RNF13: variants seen among roughly 807,000 people sequenced by gnomAD.
RNF13 encodes ring finger protein 13, also known as E3 ubiquitin-protein ligase RNF13.
RNF13 carries 19 observed loss-of-function variants against 37.7 expected under a neutral mutation model. That is an observed-to-expected ratio of 0.50 (90% CI 0.35 to 0.74). RNF13 has a LOEUF of 0.74. Among genes scored for constraint, RNF13 ranks in the 30% least tolerant of loss-of-function variants. RNF13 has a pLI of 0.01. For synonymous variants in RNF13, 144 were observed against 157.8 expected (o/e 0.91, Z 0.65); for missense variants, 375 against 453.0 (o/e 0.83, Z 1.56).
Position 149,835,667 on chromosome 3 carries a change from TTGTG to T in RNF13, c.-16-10330_-16-10327del, listed in dbSNP as rs1553751536. On this transcript the variant is annotated intron_variant, in intron 1 of 9. Coordinates refer to ENST00000392894, the MANE Select transcript of RNF13 (RefSeq NM_183381.3). ...TGTGTGTGTGTGTGTGTGTGTGTGT[TTGTG>T]TGTGTGTGTGTGTATGTGTGTACCA... Among the ~76,000 whole-genome samples, 5 of 88,058 alleles carry T rather than the reference TTGTG, an allele frequency of 5.7e-5. No homozygotes were observed. The South Asian group carries it at 1.1e-3, about 20-fold the overall frequency. 57.8% of individuals were successfully genotyped at this position (88,058 alleles called of 152,430 possible). A position where few individuals can be genotyped will look rare whatever the true frequency, so the allele number is the denominator to read the frequency against.
chr3:149,957,658 C>T (rs780795447), intron 8 of RNF13, among the ~76,000 whole-genome samples: 1 of 152,122 alleles, frequency 6.6e-6, no homozygotes, highest in Non-Finnish European at 1.5e-5. Flanking sequence ...GTATGCCTAT[C>T]GGCTAGTTTT....
chr3:149,827,976 G>C (rs1720673471), intron 1 of RNF13, among the ~76,000 whole-genome samples: 1 of 150,606 alleles, frequency 6.6e-6, no homozygotes, highest in Non-Finnish European at 1.5e-5. Flanking sequence ...AGAAACAGTT[G>C]TTATAATCAA....
chr3:149,866,683 C>T (rs1402337260), intron 3 of RNF13, among the ~76,000 whole-genome samples: 1 of 152,162 alleles, frequency 6.6e-6, no homozygotes, highest in African/African-American at 2.4e-5. Context: ...TTACTATAAA[C>T]TTCCCTCTTA....
intron 1 of RNF13, among the ~76,000 whole-genome samples, chr3:149,835,633 TTGTG>T (rs3039646): frequency 0.018 from 2,456 of 138,822 alleles, 21 homozygotes; most frequent in Middle Eastern, 0.034. Context: ...TAGTATTCCA[TTGTG>T]TGTGTGTGTG....
chr3:149,899,262 A>T (rs1371432082), intron 5 of RNF13, among the ~76,000 whole-genome samples: 1 of 152,170 alleles, frequency 6.6e-6, no homozygotes, highest in Non-Finnish European at 1.5e-5. Context: ...CCTTGGCAAC[A>T]TTGTGAAACC....
chr3:149,953,325 T>C (rs1721523228), intron 8 of RNF13, among the ~76,000 whole-genome samples: 1 of 152,238 alleles, frequency 6.6e-6, no homozygotes, highest in African/African-American at 2.4e-5. Flanking sequence ...CTGATTGTTT[T>C]AGCGCAGGCA....
chr3:149,925,776 G>A (rs1718574052), intron 8 of RNF13, among the ~76,000 whole-genome samples: 1 of 151,864 alleles, frequency 6.6e-6, no homozygotes, highest in Admixed American at 6.6e-5. Flanking sequence ...CAATTTTATT[G>A]GGTAATGCAA....
chr3:149,860,033 G>A (rs896339687), intron 3 of RNF13, among the ~76,000 whole-genome samples: 6 of 151,730 alleles, frequency 4.0e-5, no homozygotes, highest in African/African-American at 9.7e-5. Context: ...TGGGGAGCCC[G>A]AGGCAGGTGG....
At chr3:149,817,080 T>C (rs1229984342) in intron 1 of RNF13, among the ~76,000 whole-genome samples, 1 of 152,162 alleles carries the variant, frequency 6.6e-6, no homozygotes, top group Non-Finnish European at 1.5e-5. Context: ...GCTGAGGAGT[T>C]GTTCAGACGT....
At chr3:149,947,901 C>T (rs1320785843) in intron 8 of RNF13, among the ~76,000 whole-genome samples, 4 of 152,052 alleles carry the variant, frequency 2.6e-5, no homozygotes, top group African/African-American at 9.7e-5. Context: ...TCCAGTTTCT[C>T]ATTTGCATAG....
chr3:149,885,520 G>C (rs1438795969), intron 4 of RNF13, among the ~76,000 whole-genome samples: 1 of 152,014 alleles, frequency 6.6e-6, no homozygotes, highest in East Asian at 1.9e-4. Flanking sequence ...TTTCCCATTT[G>C]TATGTCTTCT....
chr3:149,935,192 T>A (rs953850751), intron 8 of RNF13, among the ~76,000 whole-genome samples: 2 of 152,224 alleles, frequency 1.3e-5, no homozygotes, highest in African/African-American at 4.8e-5. Context: ...TAAATATAGC[T>A]ATTCTTGCTC....
At chr3:149,896,184 C>T (rs1402740734) in intron 5 of RNF13, among the ~76,000 whole-genome samples, 1 of 152,132 alleles carries the variant, frequency 6.6e-6, no homozygotes, top group African/African-American at 2.4e-5. Flanking sequence ...GGGGTTTTAT[C>T]AAAACCTTTC....
chr3:149,825,804 A>G (rs1407801467), intron 1 of RNF13, among the ~76,000 whole-genome samples: 2 of 152,216 alleles, frequency 1.3e-5, no homozygotes, highest in African/African-American at 2.4e-5. Flanking sequence ...TTCACATACA[A>G]TAAACTACAT....
chr3:149,893,981 G>A (rs563578620), intron 4 of RNF13: 1 of 152,138 alleles, frequency 6.6e-6, no homozygotes, highest in East Asian at 1.9e-4. Context: ...TTTATCTCCT[G>A]TGTTTATAAT....
chr3:149,890,559 G>A (rs901944814), intron 4 of RNF13, among the ~76,000 whole-genome samples: 7 of 152,088 alleles, frequency 4.6e-5, no homozygotes, highest in Non-Finnish European at 1.0e-4. Context: ...TGTGTATATT[G>A]TAATACTAGT....
chr3:149,946,039 C>T (rs1720743530), intron 8 of RNF13, among the ~76,000 whole-genome samples: 1 of 152,216 alleles, frequency 6.6e-6, no homozygotes, highest in Admixed American at 6.5e-5. Flanking sequence ...TGCAGCTCCT[C>T]ACCAGCAACG....
chr3:149,869,499 G>C (rs1711751628), intron 3 of RNF13, among the ~76,000 whole-genome samples: 1 of 151,200 alleles, frequency 6.6e-6, no homozygotes, highest in Admixed American at 6.6e-5. Context: ...CCAGCTACTT[G>C]GGAGGCTGAG....
intron 6 of RNF13, among the ~76,000 whole-genome samples, chr3:149,903,823 C>G (rs191449385): frequency 6.6e-6 from 1 of 152,208 alleles, no homozygotes; most frequent in Non-Finnish European, 1.5e-5. Flanking sequence ...AGTTGACTGT[C>G]AAATGAATTG....
Sources: allele counts gnomAD v4.1 joint callset (sites outside exome capture counted in the v4.1 genomes callset), GRCh38; gene constraint gnomAD v4.1.1; transcripts MANE v1.5; gene names NCBI Gene and HGNC (gene_info 2026-07-23, HGNC 2026-07-21).